MARCHF1: variants seen among roughly 807,000 people sequenced by gnomAD.
The protein encoded by MARCHF1 is membrane associated ring-CH-type finger 1.
A neutral mutation model predicts 54.2 loss-of-function variants in MARCHF1; 40 were observed. The observed-to-expected ratio is 0.74, with a 90% CI of 0.57 to 0.96. MARCHF1 has a LOEUF of 0.96. MARCHF1 is among the 40% of genes least tolerant of loss of function. The pLI is 0.00. For synonymous variants in MARCHF1, 236 were observed against 236.3 expected (o/e 1.00, Z 0.01); for missense variants, 586 against 656.5 (o/e 0.89, Z 1.17).
At chr4:163,828,708 A>T (rs193080027) in intron 4 of MARCHF1, 31 of 152,304 alleles carry the variant, frequency 2.0e-4, no homozygotes, top group African/African-American at 7.0e-4. Context: ...CTCATTGTGG[A>T]CCATAAAACA....
intron 5 of MARCHF1, among the ~76,000 whole-genome samples, chr4:163,655,966 A>C (rs1280343459): frequency 2.6e-5 from 4 of 151,978 alleles, no homozygotes; most frequent in Non-Finnish European, 4.4e-5. Flanking sequence ...GAAGATCTCA[A>C]GTCAACATCC....
chr4:164,305,461 T>C (rs78172148), intron 1 of MARCHF1, among the ~76,000 whole-genome samples: 5,077 of 152,208 alleles, frequency 0.033, 130 homozygotes, highest in Non-Finnish European at 0.054. Flanking sequence ...AGTGCTATTT[T>C]AGAAATCAGA....
At chr4:164,221,594 A>C (rs1444824161) in intron 1 of MARCHF1, among the ~76,000 whole-genome samples, 3 of 152,180 alleles carry the variant, frequency 2.0e-5, no homozygotes, top group Non-Finnish European at 4.4e-5. Flanking sequence ...TAAACAAATA[A>C]GTTTCTTTTT....
intron 3 of MARCHF1, among the ~76,000 whole-genome samples, chr4:163,921,174 C>T (rs1332568911): frequency 6.6e-6 from 1 of 152,010 alleles, no homozygotes; most frequent in Non-Finnish European, 1.5e-5. Context: ...GTAAAGATAG[C>T]CTGATGGAAA....
At chr4:164,226,198 C>T (rs1315759609) in intron 1 of MARCHF1, among the ~76,000 whole-genome samples, 3 of 151,676 alleles carry the variant, frequency 2.0e-5, no homozygotes, top group African/African-American at 7.3e-5. Context: ...ACACAAATAG[C>T]CAAATTTCAA....
chr4:164,011,376 A>G (rs1753416496), intron 2 of MARCHF1, among the ~76,000 whole-genome samples: 1 of 78,424 alleles, frequency 1.3e-5, no homozygotes, highest in Admixed American at 1.7e-4. Context: ...ATACCTGACA[A>G]GTTGTTAATA....
intron 2 of MARCHF1, among the ~76,000 whole-genome samples, chr4:164,012,287 G>A (rs1319310058): frequency 6.6e-6 from 1 of 152,064 alleles, no homozygotes; most frequent in African/African-American, 2.4e-5. Flanking sequence ...CCTCAGTAAA[G>A]ATTCCTTCTG....
intron 5 of MARCHF1, among the ~76,000 whole-genome samples, chr4:163,653,739 G>A (rs1284562634): frequency 6.6e-6 from 1 of 151,780 alleles, no homozygotes; most frequent in East Asian, 1.9e-4. Flanking sequence ...AGCACTCAGA[G>A]CTAAATGAGG....
At chr4:163,891,767 CA>C (rs200900966) in intron 3 of MARCHF1, among the ~76,000 whole-genome samples, 8 of 151,710 alleles carry the variant, frequency 5.3e-5, no homozygotes, top group South Asian at 2.1e-4. Context: ...GAAAGCACAA[CA>C]AAAAAAACAA....
intron 2 of MARCHF1, among the ~76,000 whole-genome samples, chr4:164,080,901 T>C (rs543716742): frequency 5.3e-5 from 8 of 152,068 alleles, no homozygotes; most frequent in East Asian, 1.9e-4. Flanking sequence ...ACTAGATAAA[T>C]ATCTTGAGAT....
At chr4:163,883,202 AT>A (rs1294385372) in intron 3 of MARCHF1, among the ~76,000 whole-genome samples, 3 of 151,256 alleles carry the variant, frequency 2.0e-5, no homozygotes, top group Non-Finnish European at 4.4e-5. Context: ...ATAATAATTT[AT>A]TTATAACTAT....
At chr4:163,750,513 A>T (rs868282446) in intron 4 of MARCHF1, among the ~76,000 whole-genome samples, 5 of 142,996 alleles carry the variant, frequency 3.5e-5, no homozygotes, top group African/African-American at 7.8e-5. Flanking sequence ...TCTGTCTCAA[A>T]AAATAAATAA....
intron 4 of MARCHF1, among the ~76,000 whole-genome samples, chr4:163,738,794 C>G (rs545516161): frequency 1.3e-5 from 2 of 152,298 alleles, no homozygotes; most frequent in East Asian, 3.9e-4. Context: ...CAGAAAAGCA[C>G]TCATTAAACT....
rs988939611 is a variant in MARCHF1 at position 164,356,221 on chromosome 4, A to T, written c.-323+27649T>A. Among the ~76,000 whole-genome samples the T allele has an allele frequency of 5.0e-4, 54 of 107,410 alleles. 16 individuals carry two copies. The highest frequency in any genetic ancestry group is 3.7e-4 in the Non-Finnish European group (17 of 45,578). 70.5% of individuals were successfully genotyped at this position (107,410 alleles called of 152,430 possible). ...AAGTCAGTGTGGCGATTCCTCAGGG[A>T]TCTAGAACTAGAAATACCATTTGAC... On this transcript the variant is annotated intron_variant, in intron 1 of 9. Coordinates refer to ENST00000514618, the MANE Select transcript of MARCHF1 (RefSeq NM_001394959.1).
intron 3 of MARCHF1, among the ~76,000 whole-genome samples, chr4:163,901,830 C>T (rs13150650): frequency 0.1 from 15,380 of 152,172 alleles, 873 homozygotes; most frequent in Middle Eastern, 0.21. Context: ...ACTTCAGAAC[C>T]AACAACGGTA....
At chr4:163,845,503 ACG>A (rs1176362099) in intron 4 of MARCHF1, among the ~76,000 whole-genome samples, 4 of 144,194 alleles carry the variant, frequency 2.8e-5, no homozygotes, top group Non-Finnish European at 6.1e-5. Context: ...ACACACACAC[ACG>A]TAAGGCCTCT....
chr4:163,606,792 C>T (rs1000119223), intron 7 of MARCHF1, among the ~76,000 whole-genome samples: 7 of 151,856 alleles, frequency 4.6e-5, no homozygotes, highest in Admixed American at 6.6e-5. Context: ...GAGGGGTTGC[C>T]GATGGCTACA....
chr4:164,049,523 C>T (rs1245649587), intron 2 of MARCHF1, among the ~76,000 whole-genome samples: 1 of 151,918 alleles, frequency 6.6e-6, no homozygotes, highest in East Asian at 1.9e-4. Flanking sequence ...AGCACAAGTA[C>T]TAAACTGTTC....
intron 1 of MARCHF1, among the ~76,000 whole-genome samples, chr4:164,268,508 A>G (rs968450938): frequency 6.6e-6 from 1 of 152,140 alleles, no homozygotes; most frequent in East Asian, 1.9e-4. Flanking sequence ...CCCTTCAGAA[A>G]TTCCTATAAG....
Sources: gnomAD v4.1 joint callset for allele counts (sites outside exome capture counted in the v4.1 genomes callset) on GRCh38, gnomAD v4.1.1 for gene constraint, MANE v1.5 for transcripts, NCBI Gene and HGNC (gene_info 2026-07-23, HGNC 2026-07-21) for gene names.